Variants in PLCG2 observed in about 807,000 individuals in gnomAD.
The protein encoded by PLCG2 is phospholipase C gamma 2.
PLCG2 carries 69 observed loss-of-function variants against 175.6 expected under a neutral mutation model. The observed-to-expected ratio is 0.39, with a 90% CI of 0.32 to 0.48. The LOEUF is 0.48. Among genes scored for constraint, PLCG2 ranks in the 20% least tolerant of loss-of-function variants. The pLI, the probability that PLCG2 is intolerant of heterozygous loss-of-function variation, is 0.91. For synonymous variants in PLCG2, 827 were observed against 624.0 expected, an observed-to-expected ratio of 1.33 and a Z score of -4.85; for missense variants, 1,798 against 1,650.9, an observed-to-expected ratio of 1.09 and a Z score of -1.54.
chr16:81,889,990 G>A (rs1406421420), intron 10 of PLCG2, among the ~76,000 whole-genome samples: 3 of 151,952 alleles, frequency 2.0e-5, no homozygotes, highest in South Asian at 4.2e-4. Context: ...TGTTTGGCGG[G>A]CCAGGGAAAG....
intron 15 of PLCG2, 98 bp downstream of exon 15, chr16:81,905,605 C>T (rs573429233): frequency 3.6e-5 from 26 of 730,506 alleles, no homozygotes; most frequent in Non-Finnish European, 5.5e-5. Flanking sequence ...CTGTCTTGTT[C>T]CCATTTTTAG....
intron 5 of PLCG2, among the ~76,000 whole-genome samples, chr16:81,859,892 C>T (rs1269224356): frequency 6.6e-6 from 1 of 152,136 alleles, no homozygotes; most frequent in Non-Finnish European, 1.5e-5. Context: ...AACGTATATT[C>T]AGTTTACTTG....
chr16:81,743,706 A>T lies in PLCG2; in HGVS notation c.-145+4321A>T, dbSNP rs74718444. Among the ~76,000 whole-genome samples the T allele has an allele frequency of 9.8e-5, 15 of 152,320 alleles. No individual in the cohort carries two copies. The East Asian group carries it at 2.9e-3, about 29-fold the overall frequency. The stretch of plus-strand genomic sequence containing the variant: ...CAGCTATGCAGGGCTCCTGTGGGAG[A>T]CAGCCTGCCTGGAGGTGAGGCCCAT... On this transcript the variant is annotated intron_variant, in intron 1 of 5. Coordinates refer to the PLCG2 transcript ENST00000565054.
chr16:81,753,521 C>G (rs1037771458), intron 1 of PLCG2, among the ~76,000 whole-genome samples: 1 of 151,642 alleles, frequency 6.6e-6, no homozygotes, highest in South Asian at 2.1e-4. Context: ...CAGGTTCAAG[C>G]GATTCTCCTG....
chr16:81,905,799 A>T (rs4552019), intron 15 of PLCG2, among the ~76,000 whole-genome samples: 6 of 151,920 alleles, frequency 3.9e-5, no homozygotes, highest in Admixed American at 3.9e-4. Context: ...CTCTGGGACC[A>T]CACGTGCGCA....
At chr16:81,879,166 G>A (rs1208369772) in intron 7 of PLCG2, among the ~76,000 whole-genome samples, 1 of 152,180 alleles carries the variant, frequency 6.6e-6, no homozygotes, top group Non-Finnish European at 1.5e-5. Flanking sequence ...GGTGGTCAGT[G>A]AGGGGGGCCA....
chr16:81,807,355 C>T (rs138696023), intron 2 of PLCG2, among the ~76,000 whole-genome samples: 2 of 152,182 alleles, frequency 1.3e-5, no homozygotes, highest in Non-Finnish European at 2.9e-5. Flanking sequence ...GGAGGATGGG[C>T]TTCTCAGATC....
chr16:81,795,962 G>C (rs1911451922), intron 2 of PLCG2, among the ~76,000 whole-genome samples: 1 of 152,234 alleles, frequency 6.6e-6, no homozygotes, highest in Non-Finnish European at 1.5e-5. Context: ...CAGGGCCTAA[G>C]TTGGGGGGCA....
chr16:81,906,742 G>A (rs1044682043), intron 15 of PLCG2, among the ~76,000 whole-genome samples: 10 of 152,214 alleles, frequency 6.6e-5, no homozygotes, highest in Admixed American at 2.0e-4. Flanking sequence ...CAATATTTAA[G>A]TAAAGAATTA....
chr16:81,959,784 T>A lies in PLCG2; in HGVS notation c.*1786T>A, dbSNP rs1202936914. The stretch of plus-strand genomic sequence containing the variant: ...CTTTGGCCAGGTAGCCACCAGAACC[T>A]ATTTATTGCACCTGGCATCTCCCCC... On this transcript the variant is annotated 3_prime_UTR_variant, in exon 33 of 33. Transcript: ENST00000564138. 4 of 185,126 alleles carry A rather than the reference T, an allele frequency of 2.2e-5. No individual in the cohort carries two copies. In the East Asian group the frequency reaches 3.5e-4, roughly 16 times the overall value. 11.5% of individuals were successfully genotyped at this position (185,126 alleles called of 1,614,324 possible). A position where few individuals can be genotyped will look rare whatever the true frequency, so the allele number is the denominator to read the frequency against.
At chr16:81,838,008 TA>T (rs553529198) in intron 2 of PLCG2, among the ~76,000 whole-genome samples, 75 of 152,350 alleles carry the variant, frequency 4.9e-4, no homozygotes, top group African/African-American at 1.6e-3. Context: ...GTCAAGAGAC[TA>T]AAGCAATGTA....
At chr16:81,885,884 T>G (rs1355504686) in intron 9 of PLCG2, among the ~76,000 whole-genome samples, 1 of 152,028 alleles carries the variant, frequency 6.6e-6, no homozygotes, top group East Asian at 1.9e-4. Context: ...AGTGCCGGGG[T>G]TGAATGATGA....
chr16:81,855,370 C>T lies in PLCG2; in HGVS notation c.337+783C>T, dbSNP rs186263704. On this transcript the variant is annotated intron_variant, in intron 3 of 32. Coordinates refer to ENST00000564138, the MANE Select transcript of PLCG2 (RefSeq NM_002661.5). ...GCTTGTATCTACTTTCAAGTTCAGT[C>T]CTAGAATTTATTGACTTAGAAGTAT... Among the ~76,000 whole-genome samples, 9 of 152,092 alleles carry T rather than the reference C, an allele frequency of 5.9e-5. No homozygotes were observed. The East Asian group carries it at 1.5e-3, about 26-fold the overall frequency.
intron 2 of PLCG2, among the ~76,000 whole-genome samples, chr16:81,808,342 C>T (rs1904291448): frequency 6.6e-6 from 1 of 152,138 alleles, no homozygotes; most frequent in South Asian, 2.1e-4. Flanking sequence ...CCCCAGTGTC[C>T]TGAGGTCAGA....
chr16:81,876,581 C>T (rs574319835), intron 7 of PLCG2, among the ~76,000 whole-genome samples: 1 of 152,334 alleles, frequency 6.6e-6, no homozygotes, highest in South Asian at 2.1e-4. Context: ...TGACATTTCC[C>T]TGTAGCCTTT....
intron 9 of PLCG2, 72 bp from the exon 10 acceptor site, chr16:81,889,100 A>T: frequency 1.1e-6 from 1 of 914,884 alleles, no homozygotes; most frequent in Admixed American, 2.1e-5. Context: ...TTGCGACTGG[A>T]TGGACCCTGG....
chr16:81,918,090 T>A (rs1712193957), intron 19 of PLCG2, among the ~76,000 whole-genome samples: 1 of 152,232 alleles, frequency 6.6e-6, no homozygotes, highest in South Asian at 2.1e-4. Flanking sequence ...TTATATATTT[T>A]GGATATTGAC....
chr16:81,881,331 G>C (rs5014001), intron 8 of PLCG2, among the ~76,000 whole-genome samples: 20,185 of 152,128 alleles, frequency 0.13, 2,017 homozygotes, highest in East Asian at 0.41. Flanking sequence ...GAATTAAAAT[G>C]AGTTCAGGTG....
chr16:81,952,359 A>C (rs902342471), intron 31 of PLCG2, among the ~76,000 whole-genome samples: 1 of 152,196 alleles, frequency 6.6e-6, no homozygotes, highest in Admixed American at 6.5e-5. Flanking sequence ...GAGTGCCTAG[A>C]ACTTATGACA....
Sources: allele counts gnomAD v4.1 joint callset (sites outside exome capture counted in the v4.1 genomes callset), GRCh38; gene constraint gnomAD v4.1.1; transcripts MANE v1.5; gene names NCBI Gene and HGNC (gene_info 2026-07-23, HGNC 2026-07-21).